NCF4: variants seen among roughly 807,000 people sequenced by gnomAD.
NCF4 encodes the protein neutrophil cytosolic factor 4.
In NCF4, 30 loss-of-function variants were observed where a neutral mutation model predicts 41.7. The ratio of observed to expected loss-of-function variants is 0.72; its 90% CI spans 0.54 to 0.97. The LOEUF is 0.97. Among genes scored for constraint, NCF4 ranks in the 50% least tolerant of loss-of-function variants. NCF4 has a pLI of 0.00. For synonymous variants in NCF4, 195 were observed against 175.8 expected (o/e 1.11, Z -0.87); for missense variants, 432 against 460.9 (o/e 0.94, Z 0.57).
In NCF4 at chr22:36,864,996, G is replaced by C. The variant is rs1939890453; in HGVS notation, c.195G>C (p.Leu65Phe). The change falls in exon 3 of 10, where the codon TTG becomes TTC. Residue 65 changes from leucine to phenylalanine, a missense_variant. By Grantham distance (22) the Leu-to-Phe change is conservative. Transcript: ENST00000248899. Reference protein sequence around the residue: ...IYRRYRQFHALQSKLEERFGP... With the variant: ...IYRRYRQFHAFQSKLEERFGP... ...GCCGCTACCGCCAGTTCCATGCTTT[G>C]CAGAGCAAGCTGGAGGAGCGCTTCG... The C allele has an allele frequency of 5.6e-6, 9 of 1,614,068 alleles. No individual in the cohort carries two copies. Among genetic ancestry groups the C allele is most frequent in the African/African-American group, 1.3e-5 (1 of 75,038 alleles).
intron 6 of NCF4, 27 bp from the exon 7 acceptor site, chr22:36,872,300 C>T (rs1273806832): frequency 1.3e-6 from 2 of 1,506,982 alleles, no homozygotes; most frequent in East Asian, 2.3e-5. Context: ...TTCTCTCCTT[C>T]CCTCCTTACT....
At position 36,864,916 on chromosome 22, in the gene NCF4, TAGGTTTTCGTCATCG is replaced by T. The variant is rs1200078508; in HGVS notation, c.120_134del (p.Phe41_Val45del). The T allele has an allele frequency of 5.6e-6, 9 of 1,613,810 alleles. No homozygotes were observed. The highest frequency in any genetic ancestry group is 3.3e-5 in the Admixed American group (2 of 59,978). On this transcript the variant is annotated splice_acceptor_variant and coding_sequence_variant, in exon 3 of 10. Coordinates refer to ENST00000248899, the MANE Select transcript of NCF4 (RefSeq NM_000631.5). LOFTEE classifies it high-confidence loss of function. Reference sequence around the variant, plus strand: ...CCCTCCCCACAACCTCTGTCCTCCTTAGGTTTTCGTCATCGAGGTGAAGACAAAAGGAGGATCCAA... The same window carrying T: ...CCCTCCCCACAACCTCTGTCCTCCTTAGGTGAAGACAAAAGGAGGATCCAA...
At chr22:36,877,300 C>A (rs1028164004) in intron 9 of NCF4, among the ~76,000 whole-genome samples, 1 of 152,108 alleles carries the variant, frequency 6.6e-6, no homozygotes, top group African/African-American at 2.4e-5. Context: ...CCTCGCCCAG[C>A]TAATTTTTGT....
At chr22:36,861,558 CAG>C (rs1367625956) in intron 1 of NCF4, among the ~76,000 whole-genome samples, 5 of 152,322 alleles carry the variant, frequency 3.3e-5, no homozygotes, top group Non-Finnish European at 5.9e-5. Flanking sequence ...TCTGCGCAAA[CAG>C]AATTCACAGA....
chr22:36,869,321 A>G (rs141450435), intron 4 of NCF4, among the ~76,000 whole-genome samples: 13 of 152,192 alleles, frequency 8.5e-5, no homozygotes, highest in African/African-American at 3.1e-4. Flanking sequence ...TTTAATTCTC[A>G]CACAATCCCA....
At chr22:36,861,484 G>A (rs1362285973) in intron 1 of NCF4, among the ~76,000 whole-genome samples, 1 of 152,224 alleles carries the variant, frequency 6.6e-6, no homozygotes, top group Admixed American at 6.5e-5. Flanking sequence ...GAGGAATGCA[G>A]GTGTCCTGGG....
intron 9 of NCF4, among the ~76,000 whole-genome samples, chr22:36,876,933 G>A (rs560173956): frequency 3.3e-5 from 5 of 152,262 alleles, no homozygotes; most frequent in East Asian, 1.9e-4. Context: ...AGAAGGATGC[G>A]CATCTTCCCG....
At chr22:36,872,075 G>T in intron 6 of NCF4, 1 of 702,208 alleles carries the variant, frequency 1.4e-6, no homozygotes, top group Non-Finnish European at 2.6e-6. Flanking sequence ...GCTCAGCCCA[G>T]AGAGTTCGAA....
chr22:36,866,485 A>G (rs1251903144), intron 3 of NCF4, among the ~76,000 whole-genome samples: 1 of 152,076 alleles, frequency 6.6e-6, no homozygotes, highest in Non-Finnish European at 1.5e-5. Context: ...GGATCCTCTG[A>G]GCAGACATCC....
chr22:36,864,198 C>A (rs2145703191), intron 2 of NCF4, 69 bp downstream of exon 2: 2 of 1,231,302 alleles, frequency 1.6e-6, no homozygotes, highest in Non-Finnish European at 2.3e-6. Context: ...CTGAACCTTG[C>A]CCTCTGACCT....
At chr22:36,866,628 G>A (rs1601548646) in intron 3 of NCF4, among the ~76,000 whole-genome samples, 3 of 152,126 alleles carry the variant, frequency 2.0e-5, no homozygotes, top group South Asian at 2.1e-4. Context: ...TACCGCCGCC[G>A]CCATCACCTC....
At position 36,876,695 on chromosome 22, in the gene NCF4, G is replaced by A. The variant is rs115467085; in HGVS notation, c.824+601G>A. ...GGCTACATCATTAACATGGCCATGC[G>A]CTTTTGCTGGCCTCTTAGGATTTCT... On this transcript the variant is annotated intron_variant, in intron 9 of 9. Transcript: ENST00000248899. Among the ~76,000 whole-genome samples, 633 of 152,238 alleles carry A rather than the reference G, an allele frequency of 4.2e-3. 5 individuals are homozygous for A. Among genetic ancestry groups the A allele is most frequent in the African/African-American group, 0.014 (598 of 41,544 alleles).
chr22:36,876,064 C>T lies in NCF4; in HGVS notation c.794C>T (p.Pro265Leu), dbSNP rs1438652031. The change falls in exon 9 of 10, where the codon CCC becomes CTC. Residue 265 changes from proline (P) to leucine (L), a missense_variant. Coordinates refer to ENST00000248899, the MANE Select transcript of NCF4 (RefSeq NM_000631.5). Reference sequence around the variant, plus strand: ...GTGGAGGAAGATCTCAGCAGCACTCCCCTATTGAAAGACCTGCTGGAGCTC... The same window carrying T: ...GTGGAGGAAGATCTCAGCAGCACTCTCCTATTGAAAGACCTGCTGGAGCTC... ...IAVEEDLSST[P>L]LLKDLLELTR... 6.2e-7 allele frequency: 1 copy of T among 1,611,050 alleles called. No homozygotes were observed. Among genetic ancestry groups the T allele is most frequent in the Non-Finnish European group, 8.5e-7 (1 of 1,177,860 alleles).
chr22:36,861,200 AG>A lies in NCF4; in HGVS notation c.30del (p.Ser11ValfsTer35). 6.4e-7 allele frequency: 1 copy of A among 1,551,466 alleles called. No individual in the cohort carries two copies. Among genetic ancestry groups the A allele is most frequent in the Non-Finnish European group, 8.7e-7 (1 of 1,146,832 alleles). Reference sequence around the variant, plus strand: ...GCTGTGGCCCAGCAGCTGCGGGCCGAGAGGTGAGTGCCGGGGTGTGGCCGCC... The same window carrying A: ...GCTGTGGCCCAGCAGCTGCGGGCCGAAGGTGAGTGCCGGGGTGTGGCCGCC... MAVAQQLRA[E>X]SDFEQLPDDV... On this transcript the variant is annotated frameshift_variant and splice_region_variant, in exon 1 of 10. Coordinates refer to ENST00000248899, the MANE Select transcript of NCF4 (RefSeq NM_000631.5). LOFTEE classifies it high-confidence loss of function.
At chr22:36,871,825 G>A in intron 6 of NCF4, 116 bp downstream of exon 6, 2 of 1,231,608 alleles carry the variant, frequency 1.6e-6, no homozygotes, top group Non-Finnish European at 2.3e-6. Flanking sequence ...GACAGTGCTG[G>A]GCACCAGGAG....
intron 3 of NCF4, among the ~76,000 whole-genome samples, chr22:36,866,627 C>A (rs1569111668): frequency 6.6e-6 from 1 of 152,122 alleles, no homozygotes; most frequent in African/African-American, 2.4e-5. Flanking sequence ...CTACCGCCGC[C>A]GCCATCACCT....
intron 2 of NCF4, 79 bp from the exon 3 acceptor site, chr22:36,864,840 C>A: frequency 6.4e-7 from 1 of 1,560,506 alleles, no homozygotes; most frequent in Non-Finnish European, 8.8e-7. Context: ...TCCTCCTCCT[C>A]CTCCCCTTTT....
Position 36,877,773 on chromosome 22 carries a change from C to G in NCF4, c.970C>G (p.Leu324Val). The change falls in exon 10 of 10, where the codon CTG becomes GTG. Residue 324 changes from leucine to valine, a missense_variant. By Grantham distance (32) the Leu-to-Val change is conservative. Coordinates refer to ENST00000248899, the MANE Select transcript of NCF4 (RefSeq NM_000631.5). ...CCAGAAGCGCCTCTTCCCCTGGAAG[C>G]TGCACATCACGCAGAAGGACAACTA... ...PSQKRLFPWKLHITQKDNYRV... is the reference protein window; with the variant it reads ...PSQKRLFPWKVHITQKDNYRV... The G allele has an allele frequency of 6.2e-7, 1 of 1,614,078 alleles. No homozygotes were observed. Among genetic ancestry groups the G allele is most frequent in the Non-Finnish European group, 8.5e-7 (1 of 1,180,008 alleles).
At position 36,877,798 on chromosome 22, in the gene NCF4, A is replaced by G; in HGVS notation, c.995A>G (p.Tyr332Cys). 1 of 1,613,926 alleles carries G rather than the reference A, an allele frequency of 6.2e-7. No homozygotes were observed. Among genetic ancestry groups the G allele is most frequent in the Non-Finnish European group, 8.5e-7 (1 of 1,179,920 alleles). The change falls in exon 10 of 10, where the codon TAC becomes TGC. Residue 332 changes from tyrosine to cysteine, a missense_variant. Transcript: ENST00000248899. ...CTGCACATCACGCAGAAGGACAACT[A>G]CAGGGTCTACAACACGATGCCATGA... ...WKLHITQKDN[Y>C]RVYNTMP
Sources: gnomAD v4.1 joint callset for allele counts (sites outside exome capture counted in the v4.1 genomes callset) on GRCh38, gnomAD v4.1.1 for gene constraint, MANE v1.5 for transcripts, NCBI Gene and HGNC (gene_info 2026-07-23, HGNC 2026-07-21) for gene names.